The following SLC44A1 variants were observed in gnomAD, a reference collection of about 807,000 sequenced individuals.
SLC44A1 encodes the protein solute carrier family 44 member 1, also known as choline transporter-like protein 1.
SLC44A1 carries 26 observed loss-of-function variants against 79.3 expected under a neutral mutation model. That is an observed-to-expected ratio of 0.33 (90% CI 0.24 to 0.46). The LOEUF is 0.46. Among genes scored for constraint, SLC44A1 ranks in the 20% least tolerant of loss-of-function variants. The pLI is 1.00. For synonymous variants in SLC44A1, 263 were observed against 286.2 expected, an observed-to-expected ratio of 0.92 and a Z score of 0.82; for missense variants, 688 against 798.1, an observed-to-expected ratio of 0.86 and a Z score of 1.66.
rs577351997 is a variant in SLC44A1, at chr9:105,393,749, C to G, written c.*4693C>G. On this transcript the variant is annotated 3_prime_UTR_variant, in exon 16 of 16. Coordinates refer to ENST00000374720, the MANE Select transcript of SLC44A1 (RefSeq NM_080546.5). ...GGACAGAATGTGTTCTAAGGAAATTCGTTAGTAAATTTGTGAAAAACATGT... is the reference window on the plus strand; with the variant it reads ...GGACAGAATGTGTTCTAAGGAAATTGGTTAGTAAATTTGTGAAAAACATGT... 3 of 984,978 alleles carry G rather than the reference C, an allele frequency of 3.0e-6. No homozygotes were observed. In the African/African-American group the frequency reaches 5.2e-5, roughly 17 times the overall value. 61.0% of individuals were successfully genotyped at this position (984,978 alleles called of 1,614,324 possible).
rs1264769444 is a variant in SLC44A1 at position 105,392,180 on chromosome 9, G to A, written c.*3124G>A. 16 of 984,906 alleles carry A rather than the reference G, an allele frequency of 1.6e-5. No individual in the cohort carries two copies. Among genetic ancestry groups the A allele is most frequent in the Non-Finnish European group, 1.9e-5 (16 of 829,584 alleles). The allele number at this position is 984,906 out of a possible 1,614,324, so 61.0% of individuals were successfully genotyped here. The stretch of plus-strand genomic sequence containing the variant: ...GGATGAGCAGAGCTCAAAGCCAGTT[G>A]TTCCTTTAAAGCATTTAATGCAATG... On this transcript the variant is annotated 3_prime_UTR_variant, in exon 16 of 16. Transcript: ENST00000374720.
chr9:105,284,511 T>TC (rs1476801587), intron 1 of SLC44A1, among the ~76,000 whole-genome samples: 4 of 152,228 alleles, frequency 2.6e-5, no homozygotes, highest in Non-Finnish European at 5.9e-5. Flanking sequence ...TTATTTACCC[T>TC]CTTCCCTTGT....
At chr9:105,352,618 T>C (rs1210663437) in intron 5 of SLC44A1, among the ~76,000 whole-genome samples, 1 of 152,246 alleles carries the variant, frequency 6.6e-6, no homozygotes, top group Non-Finnish European at 1.5e-5. Context: ...AAAAACTTAC[T>C]GTATATAGAA....
chr9:105,257,608 C>A (rs1366280338), intron 1 of SLC44A1, among the ~76,000 whole-genome samples: 1 of 152,082 alleles, frequency 6.6e-6, no homozygotes, highest in African/African-American at 2.4e-5. Flanking sequence ...AATTGGGTGG[C>A]AAGGAGTTCA....
Position 105,258,362 on chromosome 9 carries a change from C to T in SLC44A1, c.36+13458C>T, listed in dbSNP as rs1476852541. Among the ~76,000 whole-genome samples the T allele has an allele frequency of 2.0e-5, 3 of 152,170 alleles. No homozygotes were observed. In the South Asian group the frequency reaches 6.2e-4, roughly 31 times the overall value. On this transcript the variant is annotated intron_variant, in intron 1 of 15. Transcript: ENST00000374720. The stretch of plus-strand genomic sequence containing the variant: ...ATGAGCATATAGAATATAGAGAACA[C>T]CAGTCATTGCTGGGGATTTACTGTG...
At chr9:105,301,363 CTGTG>C (rs956382113) in intron 2 of SLC44A1, among the ~76,000 whole-genome samples, 2 of 152,218 alleles carry the variant, frequency 1.3e-5, no homozygotes, top group Admixed American at 6.5e-5. Context: ...TTAAGACCCA[CTGTG>C]TGTACTTTTA....
Position 105,246,973 on chromosome 9 carries a change from T to A in SLC44A1, c.36+2069T>A, listed in dbSNP as rs118190266. Among the ~76,000 whole-genome samples, 1,111 of 152,364 alleles carry A rather than the reference T, an allele frequency of 7.3e-3. 4 individuals carry two copies. The highest frequency in any genetic ancestry group is 0.024 in the South Asian group (114 of 4,828). ...GTCATGCACCCAAGGGGTGCATTTT[T>A]TTCCTGTGGATTCCTATAACCAATC... On this transcript the variant is annotated intron_variant, in intron 1 of 15. Coordinates refer to ENST00000374720, the MANE Select transcript of SLC44A1 (RefSeq NM_080546.5).
intron 1 of SLC44A1, 27 bp from the exon 2 acceptor site, chr9:105,299,193 A>G (rs376159011): frequency 2.8e-5 from 43 of 1,528,148 alleles, no homozygotes; most frequent in Non-Finnish European, 3.6e-5. Context: ...AGCATTTAAC[A>G]CTCTCTTATT....
intron 4 of SLC44A1, among the ~76,000 whole-genome samples, chr9:105,342,846 A>G (rs1827138573): frequency 6.6e-6 from 1 of 152,132 alleles, no homozygotes; most frequent in Non-Finnish European, 1.5e-5. Context: ...CAGTTTAGAA[A>G]TGAGCACAAT....
intron 4 of SLC44A1, among the ~76,000 whole-genome samples, chr9:105,343,516 C>A (rs1827161816): frequency 6.6e-6 from 1 of 152,012 alleles, no homozygotes; most frequent in Admixed American, 6.6e-5. Context: ...AAAATTTAAA[C>A]CCCAGAGTAA....
At chr9:105,279,725 C>G (rs1004041897) in intron 1 of SLC44A1, among the ~76,000 whole-genome samples, 1 of 152,082 alleles carries the variant, frequency 6.6e-6, no homozygotes, top group Non-Finnish European at 1.5e-5. Flanking sequence ...ATATATAAAC[C>G]TTCTATCACC....
chr9:105,247,497 A>G (rs1364567940), intron 1 of SLC44A1, among the ~76,000 whole-genome samples: 1 of 152,100 alleles, frequency 6.6e-6, no homozygotes, highest in African/African-American at 2.4e-5. Context: ...GGGTTTTGCC[A>G]TGTTGGTCAG....
At chr9:105,317,313 C>A (rs1019891552) in intron 3 of SLC44A1, among the ~76,000 whole-genome samples, 5 of 152,104 alleles carry the variant, frequency 3.3e-5, no homozygotes, top group African/African-American at 1.2e-4. Context: ...GACAGGGTTT[C>A]AGGGACAGGG....
chr9:105,319,894 A>G, intron 3 of SLC44A1, among the ~76,000 whole-genome samples: 1 of 152,242 alleles, frequency 6.6e-6, no homozygotes, highest in East Asian at 1.9e-4. Flanking sequence ...ACTTACATAT[A>G]GTAAAATTTA....
rs746927634 is a variant in SLC44A1 at position 105,389,035 on chromosome 9, T to G, written c.1953T>G (p.Ala651=). The change falls in exon 16 of 16, where the codon GCT becomes GCG. Residue 651 remains alanine (A), a splice_region_variant and synonymous_variant. Transcript: ENST00000374720. ...CTCTGTATGACTTTGTTTTCTAGGC[T>G]TCGGGAGCAAGTTCTGCTTGAACCT... ...VADSRELKPM[A]SGASSA 49 of 1,612,780 alleles carry G rather than the reference T, an allele frequency of 3.0e-5. No homozygotes were observed. The highest frequency in any genetic ancestry group is 3.3e-4 in the Middle Eastern group (2 of 6,084).
intron 1 of SLC44A1, among the ~76,000 whole-genome samples, chr9:105,289,859 G>A (rs1453684026): frequency 1.3e-5 from 2 of 151,228 alleles, no homozygotes; most frequent in African/African-American, 4.9e-5. Flanking sequence ...TGTTGCCCAG[G>A]CTGGAGTGCA....
At chr9:105,296,879 G>C (rs1207750727) in intron 1 of SLC44A1, among the ~76,000 whole-genome samples, 2 of 152,158 alleles carry the variant, frequency 1.3e-5, no homozygotes, top group Non-Finnish European at 2.9e-5. Context: ...GTGCGTTCTT[G>C]ATCATAGATT....
At chr9:105,354,917 T>G (rs181819954) in intron 5 of SLC44A1, among the ~76,000 whole-genome samples, 7 of 152,360 alleles carry the variant, frequency 4.6e-5, no homozygotes, top group Admixed American at 2.0e-4. Context: ...AACCTTGTAG[T>G]GCCCAACCAT....
intron 1 of SLC44A1, among the ~76,000 whole-genome samples, chr9:105,271,894 G>A (rs1336268643): frequency 1.3e-5 from 2 of 152,178 alleles, no homozygotes; most frequent in African/African-American, 4.8e-5. Flanking sequence ...GATTACAGGC[G>A]TGAGCCACTG....
Sources: allele counts gnomAD v4.1 joint callset (sites outside exome capture counted in the v4.1 genomes callset), GRCh38; gene constraint gnomAD v4.1.1; transcripts MANE v1.5; gene names NCBI Gene and HGNC (gene_info 2026-07-23, HGNC 2026-07-21).